Variants in MAGI1 observed in about 807,000 individuals in gnomAD.
MAGI1 encodes membrane associated guanylate kinase, WW and PDZ domain containing 1, also known as membrane-associated guanylate kinase, WW and PDZ domain-containing protein 1.
MAGI1 carries 58 observed loss-of-function variants against 139.9 expected under a neutral mutation model. That is an observed-to-expected ratio of 0.41 (90% CI 0.34 to 0.52). The LOEUF (loss-of-function observed/expected upper bound fraction) is 0.52. Ranked by LOEUF, MAGI1 falls within the 20% of genes least tolerant of loss-of-function variation. The probability of loss-of-function intolerance (pLI) is 0.12; values close to 1 mark genes in which losing one functional copy is unlikely to be tolerated. For missense variants in MAGI1, 1,874 were observed against 1,901.6 expected, an observed-to-expected ratio of 0.99 and a Z score of 0.27; for synonymous variants, 812 against 737.9, an observed-to-expected ratio of 1.10 and a Z score of -1.63.
intron 5 of MAGI1, among the ~76,000 whole-genome samples, chr3:65,460,190 C>T (rs1018147180): frequency 6.6e-6 from 1 of 152,168 alleles, no homozygotes; most frequent in Non-Finnish European, 1.5e-5. Flanking sequence ...GTGGGTTACA[C>T]TGATTGATTT....
chr3:65,878,119 A>T (rs2060186933), intron 1 of MAGI1, among the ~76,000 whole-genome samples: 1 of 152,068 alleles, frequency 6.6e-6, no homozygotes, highest in Non-Finnish European at 1.5e-5. Flanking sequence ...TCAAAAAAAA[A>T]AGGAAAAAAA....
At chr3:65,627,999 T>C (rs1047362468) in intron 1 of MAGI1, among the ~76,000 whole-genome samples, 1 of 152,138 alleles carries the variant, frequency 6.6e-6, no homozygotes, top group South Asian at 2.1e-4. Context: ...TCATAGAAAA[T>C]TAAGCTATTT....
chr3:65,453,988 T>A (rs1325353883), intron 5 of MAGI1, among the ~76,000 whole-genome samples: 1 of 152,216 alleles, frequency 6.6e-6, no homozygotes, highest in Non-Finnish European at 1.5e-5. Flanking sequence ...TAAAGTTCAA[T>A]TCTAGATGAA....
At chr3:65,444,937 A>G (rs1212379116) in intron 7 of MAGI1, among the ~76,000 whole-genome samples, 1 of 152,208 alleles carries the variant, frequency 6.6e-6, no homozygotes, top group Non-Finnish European at 1.5e-5. Flanking sequence ...TAAAATAGAA[A>G]TGGGTCATCG....
At position 65,379,435 on chromosome 3, in the gene MAGI1, C is replaced by T; in HGVS notation, c.2821G>A (p.Val941Met). ...CTGGTGCTGCCGCTGCCCGAGCTCA[C>T]CGTGTTCAGCGAGTTCTGGCTGCCC... ...PQGSQNSLNT[V>M]SSGSGSTSGI... Residue 941 changes from valine (V) to methionine (M), a missense_variant, in exon 17 of 23, where the codon GTG (valine) becomes ATG (methionine). This residue lies in a region of MAGI1 where 482 missense variants were observed against 509.6 expected (regional missense o/e 0.95). Transcript: ENST00000402939. 1.2e-6 allele frequency: 2 copies of T among 1,613,888 alleles called. No individual in the cohort carries two copies. The highest frequency in any genetic ancestry group is 2.2e-5 in the South Asian group (2 of 91,080).
chr3:65,383,057 T>C (rs1943178376), intron 15 of MAGI1, among the ~76,000 whole-genome samples: 1 of 152,174 alleles, frequency 6.6e-6, no homozygotes, highest in Non-Finnish European at 1.5e-5. Flanking sequence ...TCTTGACCCT[T>C]ACTCAGGGTT....
At chr3:65,800,102 A>G (rs2040419471) in intron 1 of MAGI1, among the ~76,000 whole-genome samples, 1 of 152,186 alleles carries the variant, frequency 6.6e-6, no homozygotes, top group Non-Finnish European at 1.5e-5. Flanking sequence ...CAGTTTCCTC[A>G]TCCATAAATG....
At chr3:65,376,078 G>C in intron 17 of MAGI1, 133 bp from the exon 18 acceptor site, 1 of 673,742 alleles carries the variant, frequency 1.5e-6, no homozygotes, top group Non-Finnish European at 2.5e-6. Flanking sequence ...GTTATTAAAG[G>C]AGAGCTCTGC....
chr3:65,787,240 T>A (rs995837301), intron 1 of MAGI1, among the ~76,000 whole-genome samples: 1 of 151,958 alleles, frequency 6.6e-6, no homozygotes, highest in African/African-American at 2.4e-5. Flanking sequence ...GATGAATGGG[T>A]GAAGGATGAG....
At chr3:66,031,167 T>G (rs778418509) in intron 1 of MAGI1, among the ~76,000 whole-genome samples, 1 of 152,212 alleles carries the variant, frequency 6.6e-6, no homozygotes, top group Non-Finnish European at 1.5e-5. Context: ...ACCTACTTTT[T>G]TAGGATGTGA....
intron 1 of MAGI1, among the ~76,000 whole-genome samples, chr3:65,666,183 C>T (rs1035000211): frequency 1.3e-5 from 2 of 152,192 alleles, no homozygotes; most frequent in African/African-American, 2.4e-5. Context: ...CTGTTACTCT[C>T]GGCAAATTTC....
chr3:65,482,299 A>C (rs1174066186), intron 3 of MAGI1, among the ~76,000 whole-genome samples: 2 of 152,242 alleles, frequency 1.3e-5, no homozygotes, highest in Non-Finnish European at 2.9e-5. Context: ...CCTATGCTGA[A>C]GTCTGCCACT....
intron 1 of MAGI1, among the ~76,000 whole-genome samples, chr3:65,976,291 G>A (rs1487946198): frequency 1.3e-5 from 2 of 152,144 alleles, no homozygotes; most frequent in Admixed American, 1.3e-4. Flanking sequence ...AAACGGAGTG[G>A]GATGAGGGAT....
rs540312319 is a variant in MAGI1, at chr3:65,789,347, G to A, written c.314-167259C>T. On this transcript the variant is annotated intron_variant, in intron 1 of 22. Coordinates refer to ENST00000402939, the MANE Select transcript of MAGI1 (RefSeq NM_001033057.2). Reference sequence around the variant, plus strand: ...GATGCTTAACGTTCCCCAGTCAAGAGCTCCTCTAGGCTGTAATAAAAGCCC... The same window carrying A: ...GATGCTTAACGTTCCCCAGTCAAGAACTCCTCTAGGCTGTAATAAAAGCCC... 6.6e-5 allele frequency among the ~76,000 whole-genome samples: 10 copies of A among 152,162 alleles called. No homozygotes were observed. In the East Asian group the frequency reaches 1.7e-3, roughly 26 times the overall value.
intron 4 of MAGI1, among the ~76,000 whole-genome samples, chr3:65,470,722 G>GA (rs1029244743): frequency 5.3e-5 from 8 of 152,160 alleles, no homozygotes; most frequent in Non-Finnish European, 7.4e-5. Flanking sequence ...AAAGAAGGGG[G>GA]AAAAAATCCC....
chr3:66,011,479 T>G (rs146204364), intron 1 of MAGI1, among the ~76,000 whole-genome samples: 1 of 152,224 alleles, frequency 6.6e-6, no homozygotes, highest in Non-Finnish European at 1.5e-5. Flanking sequence ...GTGAACACTA[T>G]GCTGTACTAT....
chr3:65,559,136 T>C (rs2080220284), intron 2 of MAGI1, among the ~76,000 whole-genome samples: 1 of 152,182 alleles, frequency 6.6e-6, no homozygotes, highest in African/African-American at 2.4e-5. Flanking sequence ...AACTCACAAA[T>C]AAAAAACTGA....
intron 7 of MAGI1, among the ~76,000 whole-genome samples, chr3:65,445,188 C>T (rs1034778203): frequency 6.6e-6 from 1 of 152,142 alleles, no homozygotes; most frequent in African/African-American, 2.4e-5. Flanking sequence ...TAAGATTGAG[C>T]CTTAATTCTT....
intron 4 of MAGI1, among the ~76,000 whole-genome samples, chr3:65,478,168 T>G (rs112161138): frequency 0.012 from 1,863 of 152,186 alleles, 40 homozygotes; most frequent in African/African-American, 0.041. Context: ...CTATACAGCA[T>G]CAACTGACAT....
Sources: gnomAD v4.1 joint callset for allele counts (sites outside exome capture counted in the v4.1 genomes callset) on GRCh38, gnomAD v4.1.1 for gene constraint, gnomAD v4.1.1 regional missense constraint, MANE v1.5 for transcripts, NCBI Gene and HGNC (gene_info 2026-07-23, HGNC 2026-07-21) for gene names.